The following PTPRD variants were observed in gnomAD, a reference collection of about 807,000 sequenced individuals.
PTPRD encodes the protein protein tyrosine phosphatase receptor type D, also known as receptor-type tyrosine-protein phosphatase delta.
PTPRD carries 34 observed loss-of-function variants against 214.5 expected under a neutral mutation model. The observed-to-expected ratio is 0.16, with a 90% CI of 0.12 to 0.21. The LOEUF is 0.21. Ranked by LOEUF, PTPRD falls within the 10% of genes least tolerant of loss-of-function variation. PTPRD has a pLI of 1.00. For synonymous variants in PTPRD, 1,128 were observed against 845.7 expected, an observed-to-expected ratio of 1.33 and a Z score of -5.79; for missense variants, 2,545 against 2,398.7, an observed-to-expected ratio of 1.06 and a Z score of -1.27.
intron 5 of PTPRD, among the ~76,000 whole-genome samples, chr9:9,910,480 T>G (rs944057481): frequency 6.6e-6 from 1 of 152,054 alleles, no homozygotes; most frequent in Non-Finnish European, 1.5e-5. Context: ...TGAAGGATGT[T>G]TGAAAACATA....
intron 8 of PTPRD, among the ~76,000 whole-genome samples, chr9:9,434,397 C>A (rs2084374588): frequency 6.6e-6 from 1 of 152,126 alleles, no homozygotes; most frequent in Admixed American, 6.6e-5. Context: ...ATCCTGTGTT[C>A]ATGCATTGGA....
chr9:9,560,716 C>T (rs1040940366), intron 8 of PTPRD, among the ~76,000 whole-genome samples: 1 of 152,188 alleles, frequency 6.6e-6, no homozygotes, highest in African/African-American at 2.4e-5. Context: ...GCAGAAAGTA[C>T]ACTCTGGGGC....
At chr9:10,011,745 G>A (rs2096604562) in intron 4 of PTPRD, among the ~76,000 whole-genome samples, 1 of 151,986 alleles carries the variant, frequency 6.6e-6, no homozygotes, top group African/African-American at 2.4e-5. Context: ...AAGAATTTCA[G>A]AGTCATTCAG....
intron 24 of PTPRD, among the ~76,000 whole-genome samples, chr9:8,500,225 G>A (rs1592116474): frequency 2.0e-5 from 3 of 151,760 alleles, no homozygotes. Flanking sequence ...GTTTTTTAAA[G>A]GTTTCTTTTT....
chr9:9,959,949 G>T (rs1042208933), intron 4 of PTPRD, among the ~76,000 whole-genome samples: 3 of 152,152 alleles, frequency 2.0e-5, no homozygotes, highest in Non-Finnish European at 4.4e-5. Context: ...CATGGGTTAT[G>T]ATTAAGCACA....
At chr9:8,750,199 C>T (rs963563746) in intron 11 of PTPRD, among the ~76,000 whole-genome samples, 5 of 152,048 alleles carry the variant, frequency 3.3e-5, no homozygotes, top group Admixed American at 6.6e-5. Context: ...ATTCTATCTC[C>T]GAGGCTGGAG....
chr9:9,056,165 C>G (rs750309693), intron 10 of PTPRD, among the ~76,000 whole-genome samples: 2 of 152,148 alleles, frequency 1.3e-5, no homozygotes, highest in Non-Finnish European at 2.9e-5. Context: ...ACGAAGAAGA[C>G]AAAATCATCT....
At chr9:8,376,119 C>T (rs2134844420) in intron 38 of PTPRD, 29 bp from the exon 39 acceptor site, 1 of 1,609,802 alleles carries the variant, frequency 6.2e-7, no homozygotes, top group Non-Finnish European at 8.5e-7. Context: ...AGCTGAAATT[C>T]TGTTTTCCAA....
intron 11 of PTPRD, among the ~76,000 whole-genome samples, chr9:8,819,074 C>T (rs2096985202): frequency 6.6e-6 from 1 of 152,080 alleles, no homozygotes; most frequent in African/African-American, 2.4e-5. Context: ...AACAAGAGAT[C>T]AACTTTCAAA....
chr9:9,278,087 T>G (rs549600458), intron 9 of PTPRD, among the ~76,000 whole-genome samples: 2 of 151,502 alleles, frequency 1.3e-5, no homozygotes, highest in African/African-American at 4.8e-5. Flanking sequence ...GGTGGTTGTA[T>G]GCTTTCCACG....
At chr9:8,319,784 C>G (rs2130688073) in intron 45 of PTPRD, 47 bp downstream of exon 45, 1 of 1,608,434 alleles carries the variant, frequency 6.2e-7, no homozygotes, top group Non-Finnish European at 8.5e-7. Context: ...TCCAGGCTAG[C>G]AAAACGTAGG....
chr9:8,975,865 C>T (rs4740970), intron 11 of PTPRD, among the ~76,000 whole-genome samples: 53,962 of 151,394 alleles, frequency 0.36, 11,128 homozygotes, highest in East Asian at 0.76. Flanking sequence ...TGCTAGCTTT[C>T]TTACTTAGCA....
intron 5 of PTPRD, among the ~76,000 whole-genome samples, chr9:9,798,871 T>C (rs1444519004): frequency 6.6e-6 from 1 of 152,150 alleles, no homozygotes; most frequent in African/African-American, 2.4e-5. Context: ...TACCAAAGCA[T>C]AGTGGGTGTG....
At chr9:10,491,106 G>A (rs1019155397) in intron 2 of PTPRD, among the ~76,000 whole-genome samples, 2 of 152,146 alleles carry the variant, frequency 1.3e-5, no homozygotes, top group Non-Finnish European at 2.9e-5. Flanking sequence ...TTATATACCT[G>A]GCCGCTATAA....
chr9:9,227,280 T>C (rs901746770), intron 9 of PTPRD, among the ~76,000 whole-genome samples: 1 of 152,068 alleles, frequency 6.6e-6, no homozygotes, highest in Non-Finnish European at 1.5e-5. Context: ...AAGATCCTAG[T>C]TTCATGTAGT....
intron 7 of PTPRD, among the ~76,000 whole-genome samples, chr9:9,676,326 T>C (rs1053693754): frequency 1.5e-5 from 2 of 137,146 alleles, no homozygotes; most frequent in African/African-American, 5.4e-5. Context: ...CCTTCCTGTG[T>C]CCATGTGTTC....
At chr9:9,141,199 T>G (rs530995898) in intron 10 of PTPRD, among the ~76,000 whole-genome samples, 1 of 141,404 alleles carries the variant, frequency 7.1e-6, no homozygotes, top group African/African-American at 2.6e-5. Flanking sequence ...TCTCTCCATC[T>G]GCTTGCTTCC....
At chr9:8,574,285 C>A (rs1369102976) in intron 14 of PTPRD, among the ~76,000 whole-genome samples, 1 of 152,064 alleles carries the variant, frequency 6.6e-6, no homozygotes, top group African/African-American at 2.4e-5. Flanking sequence ...CACTCTTTGG[C>A]ACTGTCTATC....
Position 10,405,364 on chromosome 9 carries a change from T to C in PTPRD, c.-599-64347A>G, listed in dbSNP as rs74919575. ...CAGTGACATGGAATTTTTACTTATA[T>C]TTTCTACAAATCTGTTAACAAGAAA... On this transcript the variant is annotated intron_variant, in intron 2 of 45. Transcript: ENST00000381196. 7.4e-3 allele frequency among the ~76,000 whole-genome samples: 1,128 copies of C among 151,792 alleles called. 13 individuals are homozygous for C. The highest frequency in any genetic ancestry group is 0.025 in the African/African-American group (1,053 of 41,490).
Sources: gnomAD v4.1 joint callset for allele counts (sites outside exome capture counted in the v4.1 genomes callset) on GRCh38, gnomAD v4.1.1 for gene constraint, MANE v1.5 for transcripts, NCBI Gene and HGNC (gene_info 2026-07-23, HGNC 2026-07-21) for gene names.